Variants in RBFOX1 observed in about 807,000 individuals in gnomAD.
RBFOX1 encodes RNA binding fox-1 homolog 1, also known as RNA binding protein fox-1 homolog 1.
In RBFOX1, 8 loss-of-function variants were observed where a neutral mutation model predicts 57.7. That is an observed-to-expected ratio of 0.14 (90% CI 0.08 to 0.25). RBFOX1 has a LOEUF of 0.25. RBFOX1 is among the 10% of genes least tolerant of loss of function. The pLI is 1.00. For missense variants in RBFOX1, 611 were observed against 548.5 expected, an observed-to-expected ratio of 1.11 and a Z score of -1.14; for synonymous variants, 326 against 222.4, an observed-to-expected ratio of 1.47 and a Z score of -4.15.
Position 6,835,701 on chromosome 16 carries a change from C to A in RBFOX1, c.-16+181051C>A, listed in dbSNP as rs567453815. 3.0e-5 allele frequency among the ~76,000 whole-genome samples: 4 copies of A among 133,676 alleles called. No homozygotes were observed. In the South Asian group the frequency reaches 1.0e-3, roughly 33 times the overall value. The allele number at this position is 133,676 out of a possible 152,430, so 87.7% of individuals were successfully genotyped here. The stretch of plus-strand genomic sequence containing the variant: ...CCTCAGAGGTAGAGGTTGCAGTGAA[C>A]CAAGATTGAGTCATTGCACTCCAGC... On this transcript the variant is annotated intron_variant, in intron 3 of 15. Coordinates refer to ENST00000550418, the MANE Select transcript of RBFOX1 (RefSeq NM_018723.4).
At chr16:6,992,866 C>T (rs545553561) in intron 3 of RBFOX1, among the ~76,000 whole-genome samples, 5 of 145,684 alleles carry the variant, frequency 3.4e-5, no homozygotes, top group East Asian at 2.1e-4. Context: ...ATTTGTGATA[C>T]TTCAATATAT....
At chr16:7,478,276 C>T (rs1237857493) in intron 4 of RBFOX1, among the ~76,000 whole-genome samples, 3 of 152,100 alleles carry the variant, frequency 2.0e-5, no homozygotes, top group African/African-American at 7.2e-5. Flanking sequence ...ATGAAGAGAA[C>T]ACAAAGAGGG....
intron 3 of RBFOX1, among the ~76,000 whole-genome samples, chr16:6,987,595 G>C (rs1463647037): frequency 6.6e-6 from 1 of 151,870 alleles, no homozygotes; most frequent in Non-Finnish European, 1.5e-5. Flanking sequence ...AAACTTACCT[G>C]CAATCTCATT....
At chr16:7,290,775 G>C (rs2095754765) in intron 4 of RBFOX1, among the ~76,000 whole-genome samples, 3 of 152,292 alleles carry the variant, frequency 2.0e-5, no homozygotes, top group South Asian at 4.1e-4. Context: ...ACAGAAAATA[G>C]ACAAGGAACT....
chr16:6,791,007 G>A (rs1044563726), intron 3 of RBFOX1, among the ~76,000 whole-genome samples: 2 of 151,930 alleles, frequency 1.3e-5, no homozygotes, highest in African/African-American at 2.4e-5. Context: ...TCAGGTTCAG[G>A]TAATCCTTCC....
At position 5,258,189 on chromosome 16, in the gene RBFOX1, T is replaced by TTTA. The variant is rs1191887422; in HGVS notation, c.219+18098_219+18100dup. Among the ~76,000 whole-genome samples, 5 of 152,262 alleles carry TTTA rather than the reference T, an allele frequency of 3.3e-5. No individual in the cohort carries two copies. In the South Asian group the frequency reaches 1.0e-3, roughly 32 times the overall value. ...GAGCTGCTGTGCCTGGCCAAGGTTT[T>TTTA]TTATTATTATTATTATGAAAAATTT... On this transcript the variant is annotated intron_variant, in intron 1 of 2. Transcript: ENST00000585867.
chr16:7,192,630 T>C (rs905817578), intron 4 of RBFOX1, among the ~76,000 whole-genome samples: 2 of 152,074 alleles, frequency 1.3e-5, no homozygotes, highest in African/African-American at 2.4e-5. Flanking sequence ...ACTAATGCAA[T>C]AGACAGTTTA....
At chr16:7,549,747 G>T (rs1367161069) in intron 5 of RBFOX1, among the ~76,000 whole-genome samples, 4 of 152,056 alleles carry the variant, frequency 2.6e-5, no homozygotes, top group African/African-American at 7.2e-5. Context: ...TTCTGGCCAC[G>T]CTGACCACTG....
At chr16:7,097,034 A>G (rs972384580) in intron 4 of RBFOX1, among the ~76,000 whole-genome samples, 1 of 151,998 alleles carries the variant, frequency 6.6e-6, no homozygotes, top group Non-Finnish European at 1.5e-5. Flanking sequence ...CTGGTTTGGT[A>G]AAAACAACAG....
chr16:6,600,131 C>T (rs916072248), intron 2 of RBFOX1, among the ~76,000 whole-genome samples: 2 of 152,152 alleles, frequency 1.3e-5, no homozygotes, highest in African/African-American at 4.8e-5. Flanking sequence ...CCTTACCAGA[C>T]CCATCACCCA....
chr16:7,108,943 G>T (rs978814157), intron 4 of RBFOX1, among the ~76,000 whole-genome samples: 1 of 152,144 alleles, frequency 6.6e-6, no homozygotes, highest in African/African-American at 2.4e-5. Flanking sequence ...CAGACATATG[G>T]TCAAGGAGGA....
chr16:7,155,732 T>TACACACACAC lies in RBFOX1; in HGVS notation c.27+103635_27+103636insCACACACACA, dbSNP rs1261795700. Among the ~76,000 whole-genome samples, 137 of 89,402 alleles carry TACACACACAC rather than the reference T, an allele frequency of 1.5e-3. 2 individuals carry two copies. The highest frequency in any genetic ancestry group is 8.1e-3 in the African/African-American group (134 of 16,562). The allele number at this position is 89,402 out of a possible 152,430, so 58.7% of individuals were successfully genotyped here. On this transcript the variant is annotated intron_variant, in intron 4 of 15. Transcript: ENST00000550418. ...AAAAAAATATATATATATATATATA[T>TACACACACAC]ATATATACACACACACACACACACA...
intron 1 of RBFOX1, among the ~76,000 whole-genome samples, chr16:6,036,079 C>T (rs1446881517): frequency 6.6e-6 from 1 of 152,176 alleles, no homozygotes; most frequent in Non-Finnish European, 1.5e-5. Context: ...TCAGTCCCCT[C>T]CCTTCAAAGC....
intron 4 of RBFOX1, among the ~76,000 whole-genome samples, chr16:7,257,685 T>C (rs1179836207): frequency 2.6e-5 from 4 of 152,208 alleles, no homozygotes; most frequent in African/African-American, 9.6e-5. Flanking sequence ...CCAGTGTTTA[T>C]TTCTTTGTGG....
At chr16:7,561,412 C>G (rs1227652275) in intron 5 of RBFOX1, among the ~76,000 whole-genome samples, 1 of 152,192 alleles carries the variant, frequency 6.6e-6, no homozygotes, top group African/African-American at 2.4e-5. Flanking sequence ...GAGTATATTT[C>G]TTAGCATTTC....
At chr16:6,326,875 G>T (rs866680321) in intron 2 of RBFOX1, among the ~76,000 whole-genome samples, 1 of 152,178 alleles carries the variant, frequency 6.6e-6, no homozygotes, top group Non-Finnish European at 1.5e-5. Flanking sequence ...CGGTGCAGGT[G>T]TGGCTCCAGG....
intron 2 of RBFOX1, among the ~76,000 whole-genome samples, chr16:6,571,081 G>T (rs1600197633): frequency 6.6e-6 from 1 of 152,200 alleles, no homozygotes; most frequent in South Asian, 2.1e-4. Flanking sequence ...ACCAAGGACT[G>T]GGATTCACAT....
At chr16:6,618,553 G>C (rs2098177072) in intron 2 of RBFOX1, among the ~76,000 whole-genome samples, 1 of 152,128 alleles carries the variant, frequency 6.6e-6, no homozygotes, top group Non-Finnish European at 1.5e-5. Context: ...AAAGTCTCTG[G>C]AACAAATGCT....
chr16:7,215,189 G>C (rs1344163383), intron 4 of RBFOX1, among the ~76,000 whole-genome samples: 1 of 152,172 alleles, frequency 6.6e-6, no homozygotes, highest in Non-Finnish European at 1.5e-5. Context: ...TTAGTTTGCT[G>C]AGGATGATGG....
Sources: allele counts gnomAD v4.1 joint callset (sites outside exome capture counted in the v4.1 genomes callset), GRCh38; gene constraint gnomAD v4.1.1; transcripts MANE v1.5; gene names NCBI Gene and HGNC (gene_info 2026-07-23, HGNC 2026-07-21).